GATAD2A: variants seen among roughly 807,000 people sequenced by gnomAD.
GATAD2A encodes GATA zinc finger domain containing 2A.
GATAD2A carries 12 observed loss-of-function variants against 68.5 expected under a neutral mutation model. That is an observed-to-expected ratio of 0.18 (90% CI 0.11 to 0.28). The LOEUF (loss-of-function observed/expected upper bound fraction) is 0.28, where lower values mean the gene tolerates loss of function less well. Ranked by LOEUF, GATAD2A falls within the 10% of genes least tolerant of loss-of-function variation. GATAD2A has a pLI of 1.00. For missense variants in GATAD2A, 755 were observed against 868.5 expected, an observed-to-expected ratio of 0.87 and a Z score of 1.64; for synonymous variants, 410 against 375.3, an observed-to-expected ratio of 1.09 and a Z score of -1.07.
intron 2 of GATAD2A, among the ~76,000 whole-genome samples, chr19:19,466,108 C>T (rs780078897): frequency 1.4e-4 from 22 of 152,356 alleles, no homozygotes; most frequent in Admixed American, 8.5e-4. Flanking sequence ...TCCATGTTCA[C>T]TTGGTGCTGG....
intron 1 of GATAD2A, among the ~76,000 whole-genome samples, chr19:19,449,262 G>T (rs2056101942): frequency 6.6e-6 from 1 of 152,184 alleles, no homozygotes; most frequent in Non-Finnish European, 1.5e-5. Context: ...GACAACTTAT[G>T]CCCAAAACAG....
chr19:19,403,887 T>C (rs189558087), upstream of GATAD2A, among the ~76,000 whole-genome samples: 1 of 152,344 alleles, frequency 6.6e-6, no homozygotes, highest in African/African-American at 2.4e-5. Flanking sequence ...GCTCTTTGAA[T>C]TCCTATACCG....
chr19:19,392,174 C>G (rs1224758078), intron 1 of GATAD2A, among the ~76,000 whole-genome samples: 1 of 146,964 alleles, frequency 6.8e-6, no homozygotes, highest in Non-Finnish European at 1.5e-5. Context: ...GCAGCCTCGA[C>G]TTCCGGGCTC....
chr19:19,472,120 C>T (rs576725283), intron 2 of GATAD2A, among the ~76,000 whole-genome samples: 1 of 152,302 alleles, frequency 6.6e-6, no homozygotes, highest in Admixed American at 6.5e-5. Flanking sequence ...TGGTCCTGAA[C>T]TCCTGATCTC....
intron 1 of GATAD2A, among the ~76,000 whole-genome samples, chr19:19,424,583 G>C (rs1464546771): frequency 4.0e-5 from 6 of 151,668 alleles, no homozygotes. Context: ...CTGTTGCTCA[G>C]GCTGGTCTCG....
intron 1 of GATAD2A, among the ~76,000 whole-genome samples, chr19:19,438,393 C>T (rs2054610125): frequency 6.6e-6 from 1 of 152,168 alleles, no homozygotes; most frequent in African/African-American, 2.4e-5. Context: ...CAGGTGTGGG[C>T]CACTGTGCCC....
chr19:19,421,851 C>G (rs911749068), intron 1 of GATAD2A, among the ~76,000 whole-genome samples: 6 of 151,602 alleles, frequency 4.0e-5, no homozygotes, highest in African/African-American at 1.5e-4. Context: ...CAGAGTCTCA[C>G]TCTGTTGCCC....
chr19:19,429,017 GTTTT>G (rs35115269), intron 1 of GATAD2A, among the ~76,000 whole-genome samples: 5 of 130,076 alleles, frequency 3.8e-5, no homozygotes, highest in Admixed American at 7.7e-5. Context: ...GCATTTGTAT[GTTTT>G]TTTTTTTTTT....
chr19:19,508,639 A>G lies in GATAD2A; in HGVS notation c.*3165A>G, dbSNP rs1568352372. 2 of 152,238 alleles carry G rather than the reference A, an allele frequency of 1.3e-5. No individual in the cohort carries two copies. Among genetic ancestry groups the G allele is most frequent in the African/African-American group, 2.4e-5 (1 of 41,452 alleles). 9.4% of individuals were successfully genotyped at this position (152,238 alleles called of 1,614,324 possible). The stretch of plus-strand genomic sequence containing the variant: ...GCTATGCTGCACATGACGTTAACCT[A>G]AAGAACTTGGACTGAGCTTTTAAAA... On this transcript the variant is annotated 3_prime_UTR_variant, in exon 12 of 12. Coordinates refer to ENST00000683918, the MANE Select transcript of GATAD2A (RefSeq NM_001384528.1).
At position 19,480,104 on chromosome 19, in the gene GATAD2A, C is replaced by T. The variant is rs965931452; in HGVS notation, c.270-12202C>T. ...TCCAGGTGTGAGCCACCGTGCCTGG[C>T]GACACAGCCTACTCTTGAGGAATGG... On this transcript the variant is annotated intron_variant, in intron 2 of 11. Coordinates refer to ENST00000683918, the MANE Select transcript of GATAD2A (RefSeq NM_001384528.1). 9.9e-5 allele frequency among the ~76,000 whole-genome samples: 15 copies of T among 152,130 alleles called. No homozygotes were observed. In the East Asian group the frequency reaches 1.2e-3, roughly 12 times the overall value.
intron 1 of GATAD2A, among the ~76,000 whole-genome samples, chr19:19,457,798 A>T (rs1414493854): frequency 2.0e-5 from 3 of 151,710 alleles, no homozygotes; most frequent in African/African-American, 7.3e-5. Flanking sequence ...GGCTTATCAG[A>T]GTGGCCACCT....
chr19:19,428,095 C>T (rs2053308409), intron 1 of GATAD2A: 1 of 152,196 alleles, frequency 6.6e-6, no homozygotes, highest in Non-Finnish European at 1.5e-5. Flanking sequence ...GTTCCTAGAT[C>T]CTCAGTATTA....
At chr19:19,439,020 G>A (rs1410918743) in intron 1 of GATAD2A, among the ~76,000 whole-genome samples, 2 of 152,230 alleles carry the variant, frequency 1.3e-5, no homozygotes, top group Non-Finnish European at 2.9e-5. Context: ...GGAAATTATG[G>A]ACTGTGATTG....
intron 1 of GATAD2A, among the ~76,000 whole-genome samples, chr19:19,390,267 C>T (rs1013001884): frequency 6.6e-6 from 1 of 152,024 alleles, no homozygotes; most frequent in Non-Finnish European, 1.5e-5. Flanking sequence ...AAGTTGCTTA[C>T]TGATGATGGG....
At position 19,505,886 on chromosome 19, in the gene GATAD2A, C is replaced by G; in HGVS notation, c.*412C>G. 2.5e-6 allele frequency: 1 copy of G among 399,120 alleles called. No individual in the cohort carries two copies. Among genetic ancestry groups the G allele is most frequent in the Non-Finnish European group, 4.4e-6 (1 of 226,620 alleles). The allele number at this position is 399,120 out of a possible 1,614,324, so 24.7% of individuals were successfully genotyped here. A position where few individuals can be genotyped will look rare whatever the true frequency, so the allele number is the denominator to read the frequency against. Reference sequence around the variant, plus strand: ...AGGCCAGCGCCCGGGGCTTCTGAACCGAGCGGGGTGTTTCATTTTTTTGCT... The same window carrying G: ...AGGCCAGCGCCCGGGGCTTCTGAACGGAGCGGGGTGTTTCATTTTTTTGCT... On this transcript the variant is annotated 3_prime_UTR_variant, in exon 12 of 12. Coordinates refer to ENST00000683918, the MANE Select transcript of GATAD2A (RefSeq NM_001384528.1).
chr19:19,498,364 C>T, intron 7 of GATAD2A, 79 bp from the exon 8 acceptor site: 1 of 1,380,094 alleles, frequency 7.2e-7, no homozygotes, highest in South Asian at 1.3e-5. Context: ...GTTGACAGGA[C>T]CTCGGGCTTC....
chr19:19,406,820 C>T (rs2050333327), intron 1 of GATAD2A, among the ~76,000 whole-genome samples: 2 of 152,284 alleles, frequency 1.3e-5, no homozygotes, highest in South Asian at 2.1e-4. Flanking sequence ...TTGGATTGTG[C>T]GCACACTGGG....
In GATAD2A at chr19:19,475,102, G is replaced by T. The variant is rs910461417; in HGVS notation, c.269+9488G>T. The stretch of plus-strand genomic sequence containing the variant: ...GGAGGGGTTGTCTTCACAGCGATGT[G>T]CAGAGCTGAGCTTCCACCCCCTGCT... On this transcript the variant is annotated intron_variant, in intron 2 of 11. Transcript: ENST00000683918. 2.3e-4 allele frequency among the ~76,000 whole-genome samples: 35 copies of T among 152,364 alleles called. 1 individual carries two copies. Among genetic ancestry groups the T allele is most frequent in the African/African-American group, 7.7e-4 (32 of 41,592 alleles).
At chr19:19,496,473 G>A (rs555970361) in intron 7 of GATAD2A, among the ~76,000 whole-genome samples, 1 of 152,338 alleles carries the variant, frequency 6.6e-6, no homozygotes, top group Non-Finnish European at 1.5e-5. Flanking sequence ...GGCGATGCAC[G>A]GACCTGAGCT....
Sources: allele counts gnomAD v4.1 joint callset (sites outside exome capture counted in the v4.1 genomes callset), GRCh38; gene constraint gnomAD v4.1.1; transcripts MANE v1.5; gene names NCBI Gene and HGNC (gene_info 2026-07-23, HGNC 2026-07-21).